Variants in SIPA1L3 observed in about 807,000 individuals in gnomAD.
SIPA1L3 encodes the protein signal-induced proliferation-associated 1-like protein 3.
In SIPA1L3, 59 loss-of-function variants were observed where a neutral mutation model predicts 150.1. The ratio of observed to expected loss-of-function variants is 0.39; its 90% CI spans 0.32 to 0.49. The LOEUF is 0.49. SIPA1L3 is among the 20% of genes least tolerant of loss of function. SIPA1L3 has a pLI of 0.86. For missense variants in SIPA1L3, 2,211 were observed against 2,489.5 expected (o/e 0.89, Z 2.38); for synonymous variants, 1,070 against 1,077.6 (o/e 0.99, Z 0.14).
At chr19:38,084,065 C>T (rs1229094109) in intron 3 of SIPA1L3, among the ~76,000 whole-genome samples, 2 of 151,524 alleles carry the variant, frequency 1.3e-5, no homozygotes, top group Admixed American at 6.6e-5. Context: ...ATAGAAGGGA[C>T]TCTCCTGTGA....
In SIPA1L3 at chr19:38,059,311, ATTTTTTT is replaced by A. The variant is rs35717284; in HGVS notation, c.-310-21930_-310-21924del. The stretch of plus-strand genomic sequence containing the variant: ...CCACCATGCCCAGCAAACAGCTGAG[ATTTTTTT>A]TTTTTTTTTTTTTTGAGACGGAGTC... On this transcript the variant is annotated intron_variant, in intron 2 of 21. Coordinates refer to ENST00000222345, the MANE Select transcript of SIPA1L3 (RefSeq NM_015073.3). Among the ~76,000 whole-genome samples, 2 of 113,930 alleles carry A rather than the reference ATTTTTTT, an allele frequency of 1.8e-5. 1 individual carries two copies. The highest frequency in any genetic ancestry group is 5.5e-4 in the South Asian group (2 of 3,628). The allele number at this position is 113,930 out of a possible 152,430, so 74.7% of individuals were successfully genotyped here. A position where few individuals can be genotyped will look rare whatever the true frequency, so the allele number is the denominator to read the frequency against.
rs1281605969 is a variant in SIPA1L3, at chr19:38,142,557, C to A, written c.3396-16C>A. On this transcript the variant is annotated splice_polypyrimidine_tract_variant and intron_variant, in intron 11 of 21. Coordinates refer to ENST00000222345, the MANE Select transcript of SIPA1L3 (RefSeq NM_015073.3). ...CTACTCACCCTCTGCCTCCTTCCTC[C>A]CCTGTCTCCTTCTAGGCCTGTCAGC... The A allele has an allele frequency of 3.1e-6, 5 of 1,597,848 alleles. No homozygotes were observed. Among genetic ancestry groups the A allele is most frequent in the African/African-American group, 2.7e-5 (2 of 74,782 alleles).
At chr19:38,104,617 G>C (rs1398503720) in intron 6 of SIPA1L3, among the ~76,000 whole-genome samples, 1 of 152,070 alleles carries the variant, frequency 6.6e-6, no homozygotes, top group African/African-American at 2.4e-5. Flanking sequence ...TGTCACCCAG[G>C]CTGGAGTGCA....
chr19:38,169,714 A>G (rs1972285380), intron 15 of SIPA1L3, among the ~76,000 whole-genome samples: 1 of 152,254 alleles, frequency 6.6e-6, no homozygotes, highest in Admixed American at 6.5e-5. Flanking sequence ...CCCCTGGTCC[A>G]AGACCTGTTA....
chr19:38,133,467 T>C (rs992996036), intron 10 of SIPA1L3, among the ~76,000 whole-genome samples: 1 of 152,154 alleles, frequency 6.6e-6, no homozygotes, highest in Non-Finnish European at 1.5e-5. Flanking sequence ...TTCAGAATAA[T>C]GAGTTGGTCC....
At chr19:38,108,636 G>C (rs1344336167) in intron 7 of SIPA1L3, 2 of 152,244 alleles carry the variant, frequency 1.3e-5, no homozygotes, top group African/African-American at 4.8e-5. Flanking sequence ...CCCGTCCATG[G>C]ATCTCCTGCA....
chr19:38,040,945 A>AG (rs1160906923), intron 2 of SIPA1L3, among the ~76,000 whole-genome samples: 1 of 150,918 alleles, frequency 6.6e-6, no homozygotes, highest in Non-Finnish European at 1.5e-5. Flanking sequence ...GAATTTTTTT[A>AG]GTAGAGACGG....
At chr19:37,921,883 G>A (rs1414501929) in intron 1 of SIPA1L3, among the ~76,000 whole-genome samples, 3 of 152,084 alleles carry the variant, frequency 2.0e-5, no homozygotes, top group South Asian at 2.1e-4. Flanking sequence ...GATCAAAGGC[G>A]TGAGCCACCA....
At chr19:38,064,850 T>C (rs954684385) in intron 2 of SIPA1L3, among the ~76,000 whole-genome samples, 1 of 152,226 alleles carries the variant, frequency 6.6e-6, no homozygotes, top group African/African-American at 2.4e-5. Flanking sequence ...AACTGAGGCA[T>C]AGAGAGACTA....
intron 2 of SIPA1L3, among the ~76,000 whole-genome samples, chr19:38,042,905 T>C (rs1002533904): frequency 2.6e-5 from 4 of 152,144 alleles, no homozygotes. Context: ...TTGGAATGTG[T>C]TGGAATCTCA....
chr19:37,985,379 T>G (rs1967322171), intron 1 of SIPA1L3, among the ~76,000 whole-genome samples: 1 of 152,040 alleles, frequency 6.6e-6, no homozygotes, highest in South Asian at 2.1e-4. Flanking sequence ...GAAAATTGTT[T>G]TAGTCAAGTG....
intron 13 of SIPA1L3, among the ~76,000 whole-genome samples, chr19:38,158,447 C>T (rs1971999548): frequency 6.6e-6 from 1 of 151,990 alleles, no homozygotes; most frequent in Non-Finnish European, 1.5e-5. Flanking sequence ...AGGGAGGGGA[C>T]GGGCAGAGTA....
intron 1 of SIPA1L3, among the ~76,000 whole-genome samples, chr19:37,994,839 T>C (rs1406067604): frequency 1.3e-5 from 2 of 152,210 alleles, no homozygotes; most frequent in African/African-American, 4.8e-5. Context: ...TGGTGACTCC[T>C]GGCTGAGCAG....
In SIPA1L3 at chr19:38,091,398, A is replaced by G. The variant is rs143430627; in HGVS notation, c.1665+2547A>G. ...GAGACTCGGTCTCAAAAATATATAC[A>G]TACACATATGTATATATAAAATATT... On this transcript the variant is annotated intron_variant, in intron 4 of 21. Coordinates refer to ENST00000222345, the MANE Select transcript of SIPA1L3 (RefSeq NM_015073.3). 4.1e-3 allele frequency among the ~76,000 whole-genome samples: 630 copies of G among 152,244 alleles called. 8 individuals carry two copies. The highest frequency in any genetic ancestry group is 0.015 in the African/African-American group (603 of 41,548).
chr19:38,164,440 C>A lies in SIPA1L3; in HGVS notation c.3781-39C>A. The A allele has an allele frequency of 6.4e-7, 1 of 1,563,180 alleles. No individual in the cohort carries two copies. Among genetic ancestry groups the A allele is most frequent in the Non-Finnish European group, 8.7e-7 (1 of 1,147,152 alleles). The stretch of plus-strand genomic sequence containing the variant: ...CCGGCAAGGGAAGATGCGCCCCTGC[C>A]CTGGAGTCTGGGAATGACACGCTTC... On this transcript the variant is annotated intron_variant, in intron 14 of 21. Transcript: ENST00000222345. The surrounding 1 kb of genome is among the most constrained non-coding windows in gnomAD (Gnocchi z 4.1).
chr19:38,138,005 C>T (rs1600121762), intron 10 of SIPA1L3, among the ~76,000 whole-genome samples: 1 of 152,074 alleles, frequency 6.6e-6, no homozygotes, highest in Non-Finnish European at 1.5e-5. Context: ...GTGGCAGGCA[C>T]CTGTAGTCCC....
intron 1 of SIPA1L3, among the ~76,000 whole-genome samples, chr19:38,003,525 C>T (rs997063390): frequency 1.3e-5 from 2 of 152,218 alleles, no homozygotes; most frequent in Non-Finnish European, 2.9e-5. Flanking sequence ...AAGCAGCTTG[C>T]ACCTCTCACT....
intron 2 of SIPA1L3, among the ~76,000 whole-genome samples, chr19:38,039,594 T>C (rs1968865859): frequency 6.7e-6 from 1 of 149,548 alleles, no homozygotes; most frequent in South Asian, 2.1e-4. Flanking sequence ...CTCAGGAGGC[T>C]GAGGCAGGAG....
intron 1 of SIPA1L3, among the ~76,000 whole-genome samples, chr19:37,933,464 C>G (rs977904782): frequency 2.0e-5 from 3 of 152,202 alleles, no homozygotes; most frequent in Non-Finnish European, 4.4e-5. Context: ...TGTCTATGCT[C>G]TGCTTCCCAG....
Sources: allele counts gnomAD v4.1 joint callset (sites outside exome capture counted in the v4.1 genomes callset), GRCh38; gene constraint gnomAD v4.1.1; non-coding constraint Gnocchi (gnomAD v3.1); transcripts MANE v1.5; gene names NCBI Gene and HGNC (gene_info 2026-07-23, HGNC 2026-07-21).